The following HEATR5A variants were observed in gnomAD, a reference collection of about 807,000 sequenced individuals.
The protein encoded by HEATR5A is HEAT repeat-containing protein 5A.
In HEATR5A, 178 loss-of-function variants were observed where a neutral mutation model predicts 218.8. The observed-to-expected ratio is 0.81, with a 90% CI of 0.72 to 0.92. The LOEUF is 0.92. Among genes scored for constraint, HEATR5A ranks in the 40% least tolerant of loss-of-function variants. The pLI, the probability that HEATR5A is intolerant of heterozygous loss-of-function variation, is 0.00. For missense variants in HEATR5A, 2,420 were observed against 2,418.9 expected, an observed-to-expected ratio of 1.00 and a Z score of -0.01; for synonymous variants, 864 against 871.6, an observed-to-expected ratio of 0.99 and a Z score of 0.15.
In HEATR5A at chr14:31,358,910, C is replaced by T. The variant is rs1566767091; in HGVS notation, c.2219G>A (p.Arg740Lys). Residue 740 changes from arginine to lysine, a missense_variant, in exon 15 of 36, where the codon AGA becomes AAA. Arg to Lys is a conservative substitution (Grantham distance 26, BLOSUM62 2). Transcript: ENST00000543095. ...LSPFLQETDH[R>K]FIEEQLLLGN... Reference sequence around the variant, plus strand: ...TGGCCATACCTGTTCTTCAATAAATCTATGGTCAGTCTCTTGTAGGAAAGG... The same window carrying T: ...TGGCCATACCTGTTCTTCAATAAATTTATGGTCAGTCTCTTGTAGGAAAGG... 6.3e-7 allele frequency: 1 copy of T among 1,596,818 alleles called. No individual in the cohort carries two copies. The highest frequency in any genetic ancestry group is 1.8e-5 in the Admixed American group (1 of 54,426).
At chr14:31,359,610 C>T (rs1277336224) in intron 14 of HEATR5A, among the ~76,000 whole-genome samples, 1 of 151,118 alleles carries the variant, frequency 6.6e-6, no homozygotes, top group East Asian at 1.9e-4. Context: ...GCCTGTAACC[C>T]CAGCTACTCA....
intron 34 of HEATR5A, among the ~76,000 whole-genome samples, chr14:31,294,747 A>G (rs1414444356): frequency 6.6e-6 from 1 of 152,118 alleles, no homozygotes; most frequent in African/African-American, 2.4e-5. Flanking sequence ...AAAACAAAAC[A>G]AAACAAAAAA....
intron 12 of HEATR5A, among the ~76,000 whole-genome samples, chr14:31,373,574 A>G (rs1902117708): frequency 6.6e-6 from 1 of 151,968 alleles, no homozygotes; most frequent in Non-Finnish European, 1.5e-5. Context: ...CAGGTGATCC[A>G]CCCACCTCAG....
intron 22 of HEATR5A, among the ~76,000 whole-genome samples, chr14:31,328,325 G>A (rs1411251919): frequency 1.3e-5 from 2 of 152,052 alleles, no homozygotes; most frequent in African/African-American, 4.8e-5. Flanking sequence ...AGAAGGAGGT[G>A]ATAGAAATGT....
chr14:31,293,698 T>A, intron 35 of HEATR5A, 86 bp from the exon 36 acceptor site: 2 of 1,286,148 alleles, frequency 1.6e-6, no homozygotes, highest in South Asian at 3.1e-5. Flanking sequence ...TATACATTTT[T>A]CCCCACTAAA....
chr14:31,406,201 C>T (rs547032198), intron 1 of HEATR5A, among the ~76,000 whole-genome samples: 1 of 152,062 alleles, frequency 6.6e-6, no homozygotes, highest in Admixed American at 6.6e-5. Flanking sequence ...CTGAGAAATG[C>T]TTATTTTTCT....
chr14:31,341,602 T>C (rs1900842559), intron 21 of HEATR5A, among the ~76,000 whole-genome samples: 1 of 152,096 alleles, frequency 6.6e-6, no homozygotes, highest in Non-Finnish European at 1.5e-5. Context: ...TCTCAGTATG[T>C]TCCCCAGGCT....
intron 13 of HEATR5A, among the ~76,000 whole-genome samples, chr14:31,367,227 C>A (rs76191046): frequency 0.022 from 3,340 of 152,022 alleles, 98 homozygotes; most frequent in African/African-American, 0.07. Flanking sequence ...CAAAGAACCT[C>A]GGAGTAAATT....
chr14:31,350,604 A>G lies in HEATR5A; in HGVS notation c.2517+8T>C. 1.4e-6 allele frequency: 2 copies of G among 1,473,560 alleles called. No individual in the cohort carries two copies. Among genetic ancestry groups the G allele is most frequent in the Non-Finnish European group, 9.3e-7 (1 of 1,080,124 alleles). 91.3% of individuals were successfully genotyped at this position (1,473,560 alleles called of 1,614,324 possible). On this transcript the variant is annotated splice_region_variant and intron_variant, in intron 17 of 35. Coordinates refer to ENST00000543095, the MANE Select transcript of HEATR5A (RefSeq NM_015473.4). ...AGCCAACATTTAAATGAAAAAAATA[A>G]TAATTACCTTCAAGAAACTAGAAAC...
Position 31,387,101 on chromosome 14 carries a change from T to C in HEATR5A, c.1189+19A>G, listed in dbSNP as rs574448395. 1.2e-6 allele frequency: 2 copies of C among 1,613,280 alleles called. No individual in the cohort carries two copies. Among genetic ancestry groups the C allele is most frequent in the African/African-American group, 2.7e-5 (2 of 74,994 alleles). ...TCCATTAGCACTGTTAAACAAACTG[T>C]CTTAGTAGAGATCCATACCCATAAC... On this transcript the variant is annotated intron_variant, in intron 8 of 35. Coordinates refer to ENST00000543095, the MANE Select transcript of HEATR5A (RefSeq NM_015473.4).
chr14:31,306,400 C>G (rs1270082991), intron 31 of HEATR5A, among the ~76,000 whole-genome samples: 1 of 152,106 alleles, frequency 6.6e-6, no homozygotes, highest in Admixed American at 6.5e-5. Flanking sequence ...GGAGAATCAC[C>G]TGAGCCTGGG....
chr14:31,302,549 G>T, intron 32 of HEATR5A, 30 bp from the exon 33 acceptor site: 1 of 1,388,986 alleles, frequency 7.2e-7, no homozygotes, highest in Non-Finnish European at 1.0e-6. Context: ...AAAACACACT[G>T]GATTTCAACC....
intron 24 of HEATR5A, 55 bp from the exon 25 acceptor site, chr14:31,321,735 A>G: frequency 7.5e-7 from 1 of 1,341,370 alleles, no homozygotes; most frequent in East Asian, 2.5e-5. Context: ...TATCAAAAAA[A>G]TGTGCTGGAA....
rs1427801219 is a variant in HEATR5A, at chr14:31,348,938, C to T, written c.2708+851G>A. 2.0e-5 allele frequency among the ~76,000 whole-genome samples: 3 copies of T among 152,126 alleles called. No homozygotes were observed. In the East Asian group the frequency reaches 5.8e-4, roughly 29 times the overall value. ...ATTATACATATATAACTAATATAAC[C>T]ACAAAGTTTTATTTGTAGGCTTTTT... On this transcript the variant is annotated intron_variant, in intron 18 of 35. Coordinates refer to ENST00000543095, the MANE Select transcript of HEATR5A (RefSeq NM_015473.4).
intron 34 of HEATR5A, among the ~76,000 whole-genome samples, chr14:31,294,968 G>A (rs8005648): frequency 0.82 from 124,435 of 152,038 alleles, 53,881 homozygotes; most frequent in Non-Finnish European, 0.97. Flanking sequence ...CAGGACAGAC[G>A]ATAAAAGGAA....
intron 33 of HEATR5A, among the ~76,000 whole-genome samples, chr14:31,301,094 T>G (rs1899355318): frequency 6.6e-6 from 1 of 152,174 alleles, no homozygotes; most frequent in Non-Finnish European, 1.5e-5. Context: ...GTTGAAAACA[T>G]TTTATATGTA....
intron 3 of HEATR5A, among the ~76,000 whole-genome samples, chr14:31,399,387 C>T (rs1217623220): frequency 1.3e-5 from 2 of 152,112 alleles, no homozygotes. Context: ...CAACAGAACT[C>T]AGCTACATAT....
chr14:31,302,728 C>T (rs1051416071), intron 32 of HEATR5A: 20 of 497,662 alleles, frequency 4.0e-5, no homozygotes, highest in East Asian at 1.7e-4. Context: ...CTGGAGATTA[C>T]GTTTAAATAA....
At chr14:31,333,772 C>T (rs1432050981) in intron 22 of HEATR5A, among the ~76,000 whole-genome samples, 1 of 151,902 alleles carries the variant, frequency 6.6e-6, no homozygotes. Flanking sequence ...TGGCTCACAC[C>T]TGTAATCCCA....
Sources: gnomAD v4.1 joint callset for allele counts (sites outside exome capture counted in the v4.1 genomes callset) on GRCh38, gnomAD v4.1.1 for gene constraint, MANE v1.5 for transcripts, NCBI Gene and HGNC (gene_info 2026-07-23, HGNC 2026-07-21) for gene names.